The following PARP16 variants were observed in gnomAD, a reference collection of about 807,000 sequenced individuals.
PARP16 encodes the protein poly(ADP-ribose) polymerase family member 16.
A neutral mutation model predicts 35.0 loss-of-function variants in PARP16; 31 were observed. The observed-to-expected ratio is 0.88, with a 90% CI of 0.66 to 1.19. PARP16 has a LOEUF of 1.19. Among genes scored for constraint, PARP16 ranks in the 50% most tolerant of loss-of-function variants. The pLI, the probability that PARP16 is intolerant of heterozygous loss-of-function variation, is 0.00. For missense variants in PARP16, 424 were observed against 411.2 expected (o/e 1.03, Z -0.27); for synonymous variants, 162 against 169.5 (o/e 0.96, Z 0.34).
chr15:65,266,741 C>G lies in PARP16; in HGVS notation c.340G>C (p.Ala114Pro). Reference sequence around the variant, plus strand: ...GGTGCAGGAACAGGCGTGTGAGGAGCCCCAGTCAGCTTTTGGATCTTTTCA... The same window carrying G: ...GGTGCAGGAACAGGCGTGTGAGGAGGCCCAGTCAGCTTTTGGATCTTTTCA... ...EFEKIQKLTG[A>P]PHTPVPAPDF... The change falls in exon 3 of 6, where the codon GCT (alanine) becomes CCT (proline). Residue 114 changes from alanine (A) to proline (P), a missense_variant. Physicochemically the swap from Ala to Pro is conservative, Grantham distance 27. Transcript: ENST00000649807. The G allele has an allele frequency of 6.2e-7, 1 of 1,613,832 alleles. No individual in the cohort carries two copies. The highest frequency in any genetic ancestry group is 8.5e-7 in the Non-Finnish European group (1 of 1,179,780).
chr15:65,272,770 C>G (rs574489937), intron 1 of PARP16, among the ~76,000 whole-genome samples: 1 of 152,236 alleles, frequency 6.6e-6, no homozygotes, highest in South Asian at 2.1e-4. Context: ...GTTGGAATCT[C>G]TGTTGAGCTT....
At position 65,263,352 on chromosome 15, in the gene PARP16, C is replaced by CA. The variant is rs777053720; in HGVS notation, c.520-33dup. The CA allele has an allele frequency of 2.0e-6, 3 of 1,534,680 alleles. No individual in the cohort carries two copies. The South Asian group carries it at 3.8e-5, about 19-fold the overall frequency. On this transcript the variant is annotated intron_variant, in intron 3 of 5. Transcript: ENST00000649807. ...CAGCAAGGCCAATGGAAAAGAAACA[C>CA]AGATGGTTGAATGTACAGTTGGCAC...
At chr15:65,277,835 C>G (rs796435784) in intron 1 of PARP16, among the ~76,000 whole-genome samples, 16 of 152,270 alleles carry the variant, frequency 1.1e-4, no homozygotes, top group African/African-American at 3.6e-4. Context: ...AATAATACAA[C>G]TGAGACAGCT....
intron 1 of PARP16, chr15:65,285,724 G>A (rs936127421): frequency 5.7e-6 from 1 of 176,274 alleles, no homozygotes. Flanking sequence ...TATCTTGAAT[G>A]CTGACCCAGA....
chr15:65,259,661 C>A, intron 5 of PARP16, 119 bp from the exon 6 acceptor site: 1 of 1,011,476 alleles, frequency 9.9e-7, no homozygotes, highest in Non-Finnish European at 1.5e-6. Flanking sequence ...TTGCCTGAGC[C>A]ATGAAATGAA....
downstream of PARP16, among the ~76,000 whole-genome samples, chr15:65,257,174 T>C (rs1012408545): frequency 3.3e-5 from 5 of 152,106 alleles, no homozygotes; most frequent in African/African-American, 1.2e-4. Flanking sequence ...CCCAGTACTT[T>C]GGAAGGCCAA....
intron 1 of PARP16, chr15:65,285,712 G>A (rs926224072): frequency 1.7e-5 from 3 of 180,900 alleles, no homozygotes; most frequent in African/African-American, 7.2e-5. Context: ...AAGGATAACT[G>A]ATATCTTGAA....
downstream of PARP16, among the ~76,000 whole-genome samples, chr15:65,233,791 A>C (rs1010566058): frequency 6.6e-6 from 1 of 152,208 alleles, no homozygotes; most frequent in Non-Finnish European, 1.5e-5. Context: ...ACAATAAAAA[A>C]TAAAAATAAA....
chr15:65,249,374 T>C (rs530298394), intron 2 of PARP16, among the ~76,000 whole-genome samples: 6 of 152,294 alleles, frequency 3.9e-5, no homozygotes, highest in East Asian at 1.9e-4. Flanking sequence ...GGGGGCCTCC[T>C]CTTAAGTGAC....
At chr15:65,269,491 C>A (rs8023288) in intron 2 of PARP16, among the ~76,000 whole-genome samples, 61,169 of 152,042 alleles carry the variant, frequency 0.4, 13,972 homozygotes, top group East Asian at 0.86. Context: ...CTACCGCACC[C>A]AGCCAGTGGT....
rs1393886422 is a variant in PARP16 at position 65,278,223 on chromosome 15, G to A, written c.175-7151C>T. Reference sequence around the variant, plus strand: ...GAACTGGTGACTCCGGCCTCCATTAGTCGTCTAAGGCCAACCAACCCTGAG... The same window carrying A: ...GAACTGGTGACTCCGGCCTCCATTAATCGTCTAAGGCCAACCAACCCTGAG... On this transcript the variant is annotated intron_variant, in intron 1 of 5. Transcript: ENST00000649807. Among the ~76,000 whole-genome samples the A allele has an allele frequency of 2.0e-5, 3 of 152,240 alleles. No homozygotes were observed. In the East Asian group the frequency reaches 5.8e-4, roughly 29 times the overall value.
intron 3 of PARP16, among the ~76,000 whole-genome samples, chr15:65,241,407 C>T (rs1190719697): frequency 1.3e-5 from 2 of 152,174 alleles, no homozygotes; most frequent in African/African-American, 4.8e-5. Flanking sequence ...TCCCAAAGTG[C>T]TGGGATTACA....
chr15:65,269,116 T>A (rs2090001326), intron 2 of PARP16, among the ~76,000 whole-genome samples: 1 of 152,036 alleles, frequency 6.6e-6, no homozygotes, highest in Non-Finnish European at 1.5e-5. Context: ...ACACCTATAG[T>A]CCCAGTTACC....
chr15:65,270,891 C>G, intron 2 of PARP16, 44 bp downstream of exon 2: 2 of 1,602,852 alleles, frequency 1.2e-6, no homozygotes, highest in Admixed American at 1.7e-5. Context: ...GTCCTAGAGC[C>G]CTTAGGCCCC....
chr15:65,263,293 G>A lies in PARP16; in HGVS notation c.547C>T (p.Leu183Phe), dbSNP rs1428757493. Residue 183 changes from leucine to phenylalanine, a missense_variant, in exon 4 of 6, where the codon CTC (leucine) becomes TTC (phenylalanine). Leu to Phe is a conservative substitution (Grantham distance 22, BLOSUM62 0). Coordinates refer to ENST00000649807, the MANE Select transcript of PARP16 (RefSeq NM_001316943.2). ...KTSLFGEGTY[L>F]TSDLSLALIY... ...AGGGCCAGGCTCAAGTCACTGGTGA[G>A]GTAGGTCCCCTCTCCGAACAAGGAT... 6.2e-7 allele frequency: 1 copy of A among 1,602,240 alleles called. No individual in the cohort carries two copies. The highest frequency in any genetic ancestry group is 1.1e-5 in the South Asian group (1 of 90,018).
At chr15:65,251,985 C>A (rs546878476) in intron 2 of PARP16, among the ~76,000 whole-genome samples, 4 of 152,086 alleles carry the variant, frequency 2.6e-5, no homozygotes, top group South Asian at 2.1e-4. Flanking sequence ...AGGATGGTCT[C>A]GATCTCCTGA....
intron 3 of PARP16, among the ~76,000 whole-genome samples, chr15:65,246,847 C>T (rs1043198369): frequency 4.6e-5 from 7 of 152,182 alleles, no homozygotes; most frequent in Middle Eastern, 3.2e-3. Flanking sequence ...GCCAGAATTC[C>T]CTAAACATGT....
At chr15:65,272,864 T>G (rs2090133661) in intron 1 of PARP16, among the ~76,000 whole-genome samples, 1 of 152,222 alleles carries the variant, frequency 6.6e-6, no homozygotes, top group Non-Finnish European at 1.5e-5. Context: ...ATCTCAGGGC[T>G]TGGTCTATAT....
chr15:65,283,567 G>A (rs1002456648), intron 1 of PARP16, among the ~76,000 whole-genome samples: 2 of 151,962 alleles, frequency 1.3e-5, no homozygotes, highest in African/African-American at 4.8e-5. Context: ...TACTCCTCCT[G>A]GAATACTCTT....
Sources: allele counts gnomAD v4.1 joint callset (sites outside exome capture counted in the v4.1 genomes callset), GRCh38; gene constraint gnomAD v4.1.1; transcripts MANE v1.5; gene names NCBI Gene and HGNC (gene_info 2026-07-23, HGNC 2026-07-21).